SBF2: variants seen among roughly 807,000 people sequenced by gnomAD.
The protein encoded by SBF2 is SET binding factor 2.
A neutral mutation model predicts 225.2 loss-of-function variants in SBF2; 112 were observed. The ratio of observed to expected loss-of-function variants is 0.50; its 90% confidence interval spans 0.43 to 0.58. The LOEUF (loss-of-function observed/expected upper bound fraction) is 0.58. Among genes scored for constraint, SBF2 ranks in the 20% least tolerant of loss-of-function variants. The pLI is 0.00. For missense variants in SBF2, 1,996 were observed against 2,206.2 expected (o/e 0.90, Z 1.91); for synonymous variants, 763 against 773.3 (o/e 0.99, Z 0.22).
chr11:9,952,530 C>T (rs1167638764), intron 16 of SBF2, among the ~76,000 whole-genome samples: 4 of 152,128 alleles, frequency 2.6e-5, no homozygotes, highest in Non-Finnish European at 5.9e-5. Flanking sequence ...AAGGCTTTCT[C>T]GGGTCTGCTA....
chr11:10,225,060 C>T lies in SBF2; in HGVS notation c.56-31073G>A, dbSNP rs114112090. On this transcript the variant is annotated intron_variant, in intron 1 of 39. Transcript: ENST00000256190. The stretch of plus-strand genomic sequence containing the variant: ...TTGGAGATAGAGGGGTATGAGGAGA[C>T]TAATTTAACAAATAAAAGCTCATAG... 6.3e-3 allele frequency among the ~76,000 whole-genome samples: 957 copies of T among 152,130 alleles called. 5 individuals carry two copies. The highest frequency in any genetic ancestry group is 0.022 in the African/African-American group (912 of 41,494).
intron 16 of SBF2, among the ~76,000 whole-genome samples, chr11:9,947,338 G>A (rs908343410): frequency 1.3e-5 from 2 of 152,100 alleles, no homozygotes; most frequent in Non-Finnish European, 2.9e-5. Context: ...GTCTATGACC[G>A]CTCTAAAAGA....
chr11:10,171,783 T>C (rs907135503), intron 2 of SBF2, among the ~76,000 whole-genome samples: 2 of 152,222 alleles, frequency 1.3e-5, no homozygotes, highest in Non-Finnish European at 2.9e-5. Flanking sequence ...CTGGGCTTTC[T>C]TTTGCTGGGA....
intron 2 of SBF2, among the ~76,000 whole-genome samples, chr11:10,146,353 G>T (rs140592702): frequency 1.2e-4 from 18 of 151,938 alleles, no homozygotes; most frequent in Admixed American, 7.2e-4. Flanking sequence ...AAAACAGCAC[G>T]GGGCTGCCAC....
Position 9,816,381 on chromosome 11 carries a change from C to T in SBF2, c.3978+459G>A, listed in dbSNP as rs370094001. Reference sequence around the variant, plus strand: ...GTTACTCAGAAAACCTAGACTTGGCCTTGCCTTGCCTCCATACATGGTACC... The same window carrying T: ...GTTACTCAGAAAACCTAGACTTGGCTTTGCCTTGCCTCCATACATGGTACC... On this transcript the variant is annotated intron_variant, in intron 29 of 39. Coordinates refer to ENST00000256190, the MANE Select transcript of SBF2 (RefSeq NM_030962.4). Among the ~76,000 whole-genome samples the T allele has an allele frequency of 3.3e-3, 502 of 152,282 alleles. 3 individuals are homozygous for T. The highest frequency in any genetic ancestry group is 5.2e-3 in the South Asian group (25 of 4,820).
At chr11:9,880,870 T>C (rs978918527) in intron 17 of SBF2, among the ~76,000 whole-genome samples, 1 of 152,234 alleles carries the variant, frequency 6.6e-6, no homozygotes, top group East Asian at 1.9e-4. Context: ...ATTCTGCCCC[T>C]GTCAGCATTT....
At chr11:10,082,924 T>C (rs535962218) in intron 2 of SBF2, among the ~76,000 whole-genome samples, 2 of 152,194 alleles carry the variant, frequency 1.3e-5, no homozygotes, top group African/African-American at 4.8e-5. Context: ...GGCGTCCAAA[T>C]TGGAAAAGAA....
At chr11:10,302,365 G>A (rs1007027370) in intron 1 of SBF2, among the ~76,000 whole-genome samples, 2 of 152,226 alleles carry the variant, frequency 1.3e-5, no homozygotes, top group African/African-American at 4.8e-5. Context: ...CGGGGTGCGC[G>A]CTCGCGCACA....
At chr11:10,187,466 G>A (rs999883507) in intron 2 of SBF2, among the ~76,000 whole-genome samples, 4 of 152,100 alleles carry the variant, frequency 2.6e-5, no homozygotes, top group Admixed American at 2.6e-4. Flanking sequence ...GGTAGCAGGG[G>A]GACCCCTGCC....
At chr11:9,949,603 G>A (rs1865744237) in intron 16 of SBF2, among the ~76,000 whole-genome samples, 2 of 151,974 alleles carry the variant, frequency 1.3e-5, no homozygotes, top group African/African-American at 4.8e-5. Context: ...AGAATCCTAG[G>A]TTAAACTCCA....
chr11:9,805,911 A>C (rs6483732), intron 32 of SBF2, among the ~76,000 whole-genome samples: 3 of 152,062 alleles, frequency 2.0e-5, no homozygotes, highest in Non-Finnish European at 4.4e-5. Context: ...GTGAGCCACC[A>C]CGCCCGACCA....
chr11:10,277,801 G>A (rs1259423583), intron 1 of SBF2, among the ~76,000 whole-genome samples: 1 of 152,100 alleles, frequency 6.6e-6, no homozygotes, highest in Non-Finnish European at 1.5e-5. Flanking sequence ...GAGCCCCTGG[G>A]GCCACCAGAT....
intron 9 of SBF2, among the ~76,000 whole-genome samples, chr11:9,995,849 G>A (rs1474536711): frequency 6.9e-6 from 1 of 144,744 alleles, no homozygotes; most frequent in South Asian, 2.2e-4. Context: ...TGGTAGAGAC[G>A]GGGTTTCACC....
chr11:10,230,675 G>C (rs1313733684), intron 1 of SBF2, among the ~76,000 whole-genome samples: 1 of 152,206 alleles, frequency 6.6e-6, no homozygotes, highest in Non-Finnish European at 1.5e-5. Flanking sequence ...TCTGCTGAGA[G>C]ATCCGCTGTT....
At position 10,271,998 on chromosome 11, in the gene SBF2, A is replaced by G. The variant is rs1962520976; in HGVS notation, c.55+22017T>C. ...AAGTGTTTTCTTGAGACTTGAAGGC[A>G]GTCATTCATCACTTTGTGCTTGAAG... On this transcript the variant is annotated intron_variant, in intron 1 of 39. Transcript: ENST00000256190. 3 of 880,200 alleles carry G rather than the reference A, an allele frequency of 3.4e-6. 1 individual carries two copies. The highest frequency in any genetic ancestry group is 2.8e-5 in the East Asian group (1 of 35,798). The allele number at this position is 880,200 out of a possible 1,614,324, so 54.5% of individuals were successfully genotyped here. A position where few individuals can be genotyped will look rare whatever the true frequency, so the allele number is the denominator to read the frequency against.
In SBF2 at chr11:9,828,061, C is replaced by G. The variant is rs1855169544; in HGVS notation, c.3793+1295G>C. The G allele has an allele frequency of 9.5e-6, 9 of 944,896 alleles. No individual in the cohort carries two copies. The Admixed American group carries it at 2.7e-4, about 28-fold the overall frequency. 58.5% of individuals were successfully genotyped at this position (944,896 alleles called of 1,614,324 possible). The stretch of plus-strand genomic sequence containing the variant: ...TTAATTGATTTAAAATATCAACTAT[C>G]TAGAAAAATGCTTTCTGCTTTTAAG... On this transcript the variant is annotated intron_variant, in intron 28 of 39. Coordinates refer to ENST00000256190, the MANE Select transcript of SBF2 (RefSeq NM_030962.4).
chr11:9,793,552 G>C (rs1344413878), intron 33 of SBF2, among the ~76,000 whole-genome samples: 1 of 152,150 alleles, frequency 6.6e-6, no homozygotes, highest in Admixed American at 6.5e-5. Flanking sequence ...ACCACGCCTG[G>C]CTAATGTTTG....
At chr11:9,889,192 C>T (rs182785247) in intron 17 of SBF2, among the ~76,000 whole-genome samples, 1 of 152,318 alleles carries the variant, frequency 6.6e-6, no homozygotes, top group Admixed American at 6.5e-5. Context: ...ACTTTAATGT[C>T]ACCAACTGAT....
intron 1 of SBF2, among the ~76,000 whole-genome samples, chr11:10,228,575 A>C (rs1193586271): frequency 5.3e-5 from 8 of 152,204 alleles, no homozygotes; most frequent in African/African-American, 1.9e-4. Flanking sequence ...CTATTGAGAT[A>C]ATCATGTGGT....
Sources: gnomAD v4.1 joint callset for allele counts (sites outside exome capture counted in the v4.1 genomes callset) on GRCh38, gnomAD v4.1.1 for gene constraint, MANE v1.5 for transcripts, NCBI Gene and HGNC (gene_info 2026-07-23, HGNC 2026-07-21) for gene names.